PITPNC1: variants seen among roughly 807,000 people sequenced by gnomAD.
The protein encoded by PITPNC1 is phosphatidylinositol transfer protein cytoplasmic 1.
PITPNC1 carries 18 observed loss-of-function variants against 44.7 expected under a neutral mutation model. That is an observed-to-expected ratio of 0.40 (90% CI 0.28 to 0.60). The LOEUF is 0.60. Among genes scored for constraint, PITPNC1 ranks in the 20% least tolerant of loss-of-function variants. The pLI is 0.39. For synonymous variants in PITPNC1, 141 were observed against 149.6 expected (o/e 0.94, Z 0.42); for missense variants, 290 against 418.4 (o/e 0.69, Z 2.68).
chr17:67,387,928 A>G (rs984367037), intron 1 of PITPNC1, among the ~76,000 whole-genome samples: 3 of 152,152 alleles, frequency 2.0e-5, no homozygotes, highest in African/African-American at 7.2e-5. Flanking sequence ...CACGCATCTC[A>G]GTTTCACTGG....
At chr17:67,677,006 G>A (rs965415054) in intron 8 of PITPNC1, among the ~76,000 whole-genome samples, 2 of 152,088 alleles carry the variant, frequency 1.3e-5, no homozygotes, top group Non-Finnish European at 2.9e-5. Context: ...TAGTCTCCCA[G>A]AGACCTGTCT....
chr17:67,410,401 CA>C (rs1361500402), intron 1 of PITPNC1, among the ~76,000 whole-genome samples: 4 of 152,104 alleles, frequency 2.6e-5, no homozygotes, highest in African/African-American at 9.7e-5. Context: ...GTTTTTGAGA[CA>C]GGGTCTCACT....
intron 1 of PITPNC1, among the ~76,000 whole-genome samples, chr17:67,406,311 C>T (rs1375261325): frequency 6.6e-6 from 1 of 151,560 alleles, no homozygotes; most frequent in Non-Finnish European, 1.5e-5. Flanking sequence ...TTGGCCAATT[C>T]TAGAATATTT....
intron 8 of PITPNC1, among the ~76,000 whole-genome samples, chr17:67,689,703 T>A (rs2042885586): frequency 6.6e-6 from 1 of 152,226 alleles, no homozygotes. Context: ...TAAGAGCCTC[T>A]GGGAGTGGAA....
At chr17:67,610,750 A>G (rs989911023) in intron 5 of PITPNC1, among the ~76,000 whole-genome samples, 1 of 152,032 alleles carries the variant, frequency 6.6e-6, no homozygotes, top group African/African-American at 2.4e-5. Flanking sequence ...GTGAAACCCT[A>G]TCTCTACCAA....
intron 5 of PITPNC1, among the ~76,000 whole-genome samples, chr17:67,619,339 A>G (rs1432523701): frequency 5.9e-5 from 9 of 152,142 alleles, no homozygotes; most frequent in Non-Finnish European, 1.3e-4. Context: ...TAATAGAGAG[A>G]AATATTATTC....
chr17:67,406,556 C>G (rs560547877), intron 1 of PITPNC1, among the ~76,000 whole-genome samples: 214 of 150,702 alleles, frequency 1.4e-3, no homozygotes, highest in Non-Finnish European at 1.6e-3. Flanking sequence ...TACTTCATTC[C>G]TTTTCATGGC....
chr17:67,558,532 C>T (rs1029597724), intron 4 of PITPNC1, among the ~76,000 whole-genome samples: 13 of 151,460 alleles, frequency 8.6e-5, no homozygotes, highest in African/African-American at 3.2e-4. Context: ...AGCCTTGGTA[C>T]TAATGAAGAA....
intron 5 of PITPNC1, among the ~76,000 whole-genome samples, chr17:67,614,335 G>T (rs2041729855): frequency 6.6e-6 from 1 of 152,042 alleles, no homozygotes; most frequent in Non-Finnish European, 1.5e-5. Flanking sequence ...AAATAAAGAA[G>T]TAGTATGATT....
intron 6 of PITPNC1, among the ~76,000 whole-genome samples, chr17:67,651,955 C>T (rs1163944841): frequency 6.6e-6 from 1 of 152,160 alleles, no homozygotes; most frequent in East Asian, 1.9e-4. Flanking sequence ...ACCTTGGAGT[C>T]TTCAGGAGAA....
At chr17:67,589,041 A>T (rs923987296) in intron 5 of PITPNC1, among the ~76,000 whole-genome samples, 1 of 152,210 alleles carries the variant, frequency 6.6e-6, no homozygotes, top group African/African-American at 2.4e-5. Flanking sequence ...AAACACTCCC[A>T]TTTGCAGTTT....
intron 1 of PITPNC1, among the ~76,000 whole-genome samples, chr17:67,492,501 A>C (rs2039878027): frequency 6.6e-6 from 1 of 152,124 alleles, no homozygotes; most frequent in Non-Finnish European, 1.5e-5. Context: ...CCCTGCTGAC[A>C]CCTTGATTTC....
intron 1 of PITPNC1, among the ~76,000 whole-genome samples, chr17:67,458,756 TA>T (rs2039290733): frequency 6.6e-6 from 1 of 152,210 alleles, no homozygotes. Context: ...TAGTGGGGGT[TA>T]TTTTTTTTCC....
At chr17:67,492,769 G>A (rs1246991838) in intron 1 of PITPNC1, among the ~76,000 whole-genome samples, 4 of 152,088 alleles carry the variant, frequency 2.6e-5, no homozygotes, top group East Asian at 1.9e-4. Context: ...ACGGTGCATC[G>A]TCTTCTGTGT....
intron 5 of PITPNC1, among the ~76,000 whole-genome samples, chr17:67,614,805 G>T (rs2041736462): frequency 1.3e-5 from 2 of 151,972 alleles, no homozygotes; most frequent in African/African-American, 2.4e-5. Context: ...TGAGCCCCAG[G>T]AGTTTGAGAG....
chr17:67,585,583 G>A (rs1424427747), intron 5 of PITPNC1, among the ~76,000 whole-genome samples: 2 of 151,916 alleles, frequency 1.3e-5, no homozygotes, highest in African/African-American at 2.4e-5. Context: ...CGGGCGGATC[G>A]CTTAAGCTCA....
intron 5 of PITPNC1, among the ~76,000 whole-genome samples, chr17:67,621,180 C>CGTTTTATTTTATTTT (rs1555573296): frequency 3.1e-5 from 4 of 129,774 alleles, no homozygotes; most frequent in Non-Finnish European, 6.5e-5. Flanking sequence ...GTCTGAAGCA[C>CGTTTTATTTTATTTT]ATTTTATTTT....
intron 6 of PITPNC1, among the ~76,000 whole-genome samples, chr17:67,649,502 C>T (rs114870834): frequency 2.5e-3 from 374 of 152,206 alleles, no homozygotes; most frequent in African/African-American, 8.6e-3. Context: ...CCAGCACCAG[C>T]TATGTGTCCA....
At chr17:67,567,888 G>A (rs1392970735) in intron 4 of PITPNC1, among the ~76,000 whole-genome samples, 1 of 151,678 alleles carries the variant, frequency 6.6e-6, no homozygotes, top group African/African-American at 2.4e-5. Context: ...CAGGAGAATC[G>A]CTTGAACCCA....
Sources: allele counts gnomAD v4.1 joint callset (sites outside exome capture counted in the v4.1 genomes callset), GRCh38; gene constraint gnomAD v4.1.1; transcripts MANE v1.5; gene names NCBI Gene and HGNC (gene_info 2026-07-23, HGNC 2026-07-21).